The following RALGAPA1 variants were observed in gnomAD, a reference collection of about 807,000 sequenced individuals.
RALGAPA1 encodes the protein ral GTPase-activating protein subunit alpha-1.
Under a neutral mutation model 269.6 loss-of-function variants are expected in RALGAPA1, and 52 were observed. The ratio of observed to expected loss-of-function variants is 0.19; its 90% CI spans 0.15 to 0.24. The LOEUF (loss-of-function observed/expected upper bound fraction) is 0.24. Among genes scored for constraint, RALGAPA1 ranks in the 10% least tolerant of loss-of-function variants. The pLI is 1.00. For synonymous variants in RALGAPA1, 817 were observed against 1,008.3 expected (o/e 0.81, Z 3.60); for missense variants, 1,917 against 3,013.9 (o/e 0.64, Z 8.52).
chr14:35,793,226 C>T (rs1215314405), intron 1 of RALGAPA1, among the ~76,000 whole-genome samples: 1 of 151,534 alleles, frequency 6.6e-6, no homozygotes, highest in Non-Finnish European at 1.5e-5. Context: ...CTGCTATTCT[C>T]TCCAAAGTCT....
intron 36 of RALGAPA1, among the ~76,000 whole-genome samples, chr14:35,599,494 C>T (rs2059142871): frequency 6.6e-6 from 1 of 152,122 alleles, no homozygotes; most frequent in Non-Finnish European, 1.5e-5. Flanking sequence ...CCTGTAATCC[C>T]AGCACTTTGG....
intron 1 of RALGAPA1, among the ~76,000 whole-genome samples, chr14:35,786,028 A>G (rs1348106468): frequency 1.3e-5 from 2 of 152,032 alleles, no homozygotes; most frequent in African/African-American, 4.8e-5. Flanking sequence ...GTGGTAGTGC[A>G]CACCTATGGT....
At chr14:35,622,163 A>T (rs1400266232) in intron 35 of RALGAPA1, among the ~76,000 whole-genome samples, 1 of 152,204 alleles carries the variant, frequency 6.6e-6, no homozygotes, top group Non-Finnish European at 1.5e-5. Flanking sequence ...GCACATATAC[A>T]CCACGGAATA....
intron 1 of RALGAPA1, among the ~76,000 whole-genome samples, chr14:35,795,946 C>CA (rs2076533600): frequency 6.6e-6 from 1 of 151,620 alleles, no homozygotes; most frequent in Admixed American, 6.6e-5. Context: ...CCCCCAAAAA[C>CA]AGAACGAAAC....
chr14:35,727,633 C>G (rs934924052), intron 13 of RALGAPA1, among the ~76,000 whole-genome samples: 2 of 151,754 alleles, frequency 1.3e-5, no homozygotes, highest in African/African-American at 4.8e-5. Flanking sequence ...AATAAGAAAA[C>G]CAGTAAATAC....
chr14:35,580,193 G>C (rs1196325264), intron 37 of RALGAPA1, among the ~76,000 whole-genome samples: 3 of 152,140 alleles, frequency 2.0e-5, no homozygotes, highest in African/African-American at 7.2e-5. Context: ...ATAGACTAGA[G>C]AGTTCAACTA....
chr14:35,762,997 T>G (rs1160185051), intron 4 of RALGAPA1, among the ~76,000 whole-genome samples: 1 of 152,106 alleles, frequency 6.6e-6, no homozygotes, highest in South Asian at 2.1e-4. Flanking sequence ...GGCCCGAAAT[T>G]GCATTTAACA....
intron 35 of RALGAPA1, among the ~76,000 whole-genome samples, chr14:35,616,060 G>T (rs1478899734): frequency 6.6e-6 from 1 of 152,074 alleles, no homozygotes; most frequent in Non-Finnish European, 1.5e-5. Context: ...GAGCGGTAAA[G>T]GCAAGAAGAG....
Position 35,627,904 on chromosome 14 carries a change from C to T in RALGAPA1, c.6043G>A (p.Val2015Ile), listed in dbSNP as rs955286647. ...AGGTGATTTACCAGATGTGTAATAA[C>T]AGTGCGGGCTGCTATAGAGATTAAT... ...HGLISIAARTVITHLVNHLGH... is the reference protein window; with the variant it reads ...HGLISIAARTIITHLVNHLGH... Residue 2015 changes from valine (V) to isoleucine (I), a missense_variant, in exon 34 of 42, where the codon GTT becomes ATT. Transcript: ENST00000680220. 3.8e-6 allele frequency: 6 copies of T among 1,559,622 alleles called. No individual in the cohort carries two copies. Among genetic ancestry groups the T allele is most frequent in the Non-Finnish European group, 4.3e-6 (5 of 1,155,858 alleles).
At chr14:35,563,162 A>AGTGAAAC (rs951554453) in intron 39 of RALGAPA1, among the ~76,000 whole-genome samples, 3 of 152,066 alleles carry the variant, frequency 2.0e-5, no homozygotes, top group African/African-American at 7.2e-5. Context: ...GCTGGAAGTT[A>AGTGAAAC]GTGAAACAAG....
intron 36 of RALGAPA1, among the ~76,000 whole-genome samples, chr14:35,596,075 CAG>C (rs1248176152): frequency 3.3e-5 from 5 of 151,934 alleles, no homozygotes; most frequent in Non-Finnish European, 7.4e-5. Flanking sequence ...TAAAGGCTGT[CAG>C]AGCACACCAA....
At chr14:35,584,196 A>G (rs912265869) in intron 37 of RALGAPA1, among the ~76,000 whole-genome samples, 1 of 152,210 alleles carries the variant, frequency 6.6e-6, no homozygotes, top group African/African-American at 2.4e-5. Context: ...AATGACAGCA[A>G]TGATACAAGG....
At chr14:35,583,332 A>G (rs1160060582) in intron 37 of RALGAPA1, among the ~76,000 whole-genome samples, 1 of 152,238 alleles carries the variant, frequency 6.6e-6, no homozygotes, top group Non-Finnish European at 1.5e-5. Context: ...TGTCTTTGAT[A>G]GGCTCATTCA....
chr14:35,674,107 C>G lies in RALGAPA1; in HGVS notation c.4917+73G>C, dbSNP rs1001137306. The G allele has an allele frequency of 8.3e-6, 10 of 1,211,148 alleles. No individual in the cohort carries two copies. In the African/African-American group the frequency reaches 1.5e-4, roughly 19 times the overall value. 75.0% of individuals were successfully genotyped at this position (1,211,148 alleles called of 1,614,324 possible). A position where few individuals can be genotyped will look rare whatever the true frequency, so the allele number is the denominator to read the frequency against. ...GTGCTCTAGAAGTCTATATAATAGC[C>G]AAAATCTCTATAAAAAGTTTAAGAT... On this transcript the variant is annotated intron_variant, in intron 24 of 41. Coordinates refer to ENST00000680220, the MANE Select transcript of RALGAPA1 (RefSeq NM_001346249.2).
At chr14:35,789,739 T>C (rs1053641134) in intron 1 of RALGAPA1, among the ~76,000 whole-genome samples, 9 of 151,838 alleles carry the variant, frequency 5.9e-5, no homozygotes, top group Non-Finnish European at 5.9e-5. Flanking sequence ...ATATAAAGAG[T>C]TAGAAGAAAA....
chr14:35,630,292 G>C (rs1188733081), intron 33 of RALGAPA1, among the ~76,000 whole-genome samples: 4 of 151,206 alleles, frequency 2.6e-5, no homozygotes, highest in Non-Finnish European at 4.4e-5. Flanking sequence ...CTTATTTACT[G>C]GTTTTTTTTT....
intron 4 of RALGAPA1, among the ~76,000 whole-genome samples, chr14:35,769,454 G>A (rs564825666): frequency 6.6e-6 from 1 of 152,064 alleles, no homozygotes; most frequent in South Asian, 2.1e-4. Flanking sequence ...GTACTAGAGG[G>A]ACAAGGGTTG....
At chr14:35,653,934 C>T (rs961386359) in intron 30 of RALGAPA1, among the ~76,000 whole-genome samples, 2 of 152,144 alleles carry the variant, frequency 1.3e-5, no homozygotes, top group African/African-American at 4.8e-5. Context: ...AAGCAACATA[C>T]ATGTTTATAA....
Position 35,635,518 on chromosome 14 carries a change from A to G in RALGAPA1, c.5757T>C (p.Ala1919=). 1 of 1,609,514 alleles carries G rather than the reference A, an allele frequency of 6.2e-7. No individual in the cohort carries two copies. Among genetic ancestry groups the G allele is most frequent in the African/African-American group, 1.3e-5 (1 of 74,904 alleles). Residue 1919 remains alanine (A), a synonymous_variant, in exon 32 of 42, where the codon GCT becomes GCC. Coordinates refer to ENST00000680220, the MANE Select transcript of RALGAPA1 (RefSeq NM_001346249.2). ...PLKTLLQPFH[A]TGAESDKTEK... ...CTGTTTTATCGCTTTCTGCTCCCGT[A>G]GCATGAAATGGTTGGAGCAGTGTCT...
Sources: allele counts gnomAD v4.1 joint callset (sites outside exome capture counted in the v4.1 genomes callset), GRCh38; gene constraint gnomAD v4.1.1; transcripts MANE v1.5; gene names NCBI Gene and HGNC (gene_info 2026-07-23, HGNC 2026-07-21).